The following ARHGEF7 variants were observed in gnomAD, a reference collection of about 807,000 sequenced individuals.
The protein encoded by ARHGEF7 is Rho guanine nucleotide exchange factor 7.
In ARHGEF7, 33 loss-of-function variants were observed where a neutral mutation model predicts 109.8. That is an observed-to-expected ratio of 0.30 (90% CI 0.23 to 0.40). The LOEUF (loss-of-function observed/expected upper bound fraction) is 0.40, where lower values mean the gene tolerates loss of function less well. Among genes scored for constraint, ARHGEF7 ranks in the 10% least tolerant of loss-of-function variants. The probability of loss-of-function intolerance (pLI) is 1.00; values close to 1 mark genes in which losing one functional copy is unlikely to be tolerated. For missense variants in ARHGEF7, 938 were observed against 1,098.5 expected (o/e 0.85, Z 2.07); for synonymous variants, 458 against 424.6 (o/e 1.08, Z -0.97).
At position 111,295,612 on chromosome 13, in the gene ARHGEF7, G is replaced by A. The variant is rs375974329; in HGVS notation, c.2311+3318G>A. Among the ~76,000 whole-genome samples, 9 of 152,310 alleles carry A rather than the reference G, an allele frequency of 5.9e-5. No homozygotes were observed. The East Asian group carries it at 1.5e-3, about 26-fold the overall frequency. On this transcript the variant is annotated intron_variant, in intron 19 of 21. Coordinates refer to ENST00000646102, the MANE Select transcript of ARHGEF7 (RefSeq NM_001354046.2). Reference sequence around the variant, plus strand: ...GAAGCAAAATAAAGGGAAAGGAAACGAAGTACCTGGTGGCAGGTATAGTGA... The same window carrying A: ...GAAGCAAAATAAAGGGAAAGGAAACAAAGTACCTGGTGGCAGGTATAGTGA...
chr13:111,143,357 G>A (rs76031826), intron 1 of ARHGEF7, among the ~76,000 whole-genome samples: 8,158 of 152,216 alleles, frequency 0.054, 310 homozygotes, highest in Non-Finnish European at 0.079. Context: ...GCACATTTCC[G>A]TCAGAGGCCA....
At chr13:111,197,990 G>A (rs1327985415) in intron 2 of ARHGEF7, among the ~76,000 whole-genome samples, 2 of 152,068 alleles carry the variant, frequency 1.3e-5, no homozygotes, top group Admixed American at 6.5e-5. Context: ...TGAGAGTTCC[G>A]CTCATGGCCA....
intron 1 of ARHGEF7, among the ~76,000 whole-genome samples, chr13:111,130,639 C>T (rs1265344622): frequency 6.6e-6 from 1 of 152,314 alleles, no homozygotes; most frequent in African/African-American, 2.4e-5. Flanking sequence ...GAAATAGACT[C>T]GCATACTATT....
chr13:111,276,393 G>A (rs938618999), intron 12 of ARHGEF7, among the ~76,000 whole-genome samples: 1 of 152,170 alleles, frequency 6.6e-6, no homozygotes, highest in Non-Finnish European at 1.5e-5. Context: ...CTTTCCACCT[G>A]TAAAATATCA....
intron 2 of ARHGEF7, among the ~76,000 whole-genome samples, chr13:111,198,148 C>T (rs148932772): frequency 6.3e-4 from 96 of 151,884 alleles, no homozygotes; most frequent in Admixed American, 1.0e-3. Flanking sequence ...GGGTTGTTAG[C>T]CCTTTCCCAG....
chr13:111,266,970 T>A lies in ARHGEF7; in HGVS notation c.951-578T>A, dbSNP rs542221327. ...GATGCCCACAGCTTGTGCCGACTTG[T>A]CACCCCTCATGCAGCTTCCAGTGCT... On this transcript the variant is annotated intron_variant, in intron 8 of 21. Coordinates refer to ENST00000646102, the MANE Select transcript of ARHGEF7 (RefSeq NM_001354046.2). The surrounding 1 kb of genome is among the most constrained non-coding windows in gnomAD (Gnocchi z 4.8). 8.8e-6 allele frequency: 4 copies of A among 452,460 alleles called. No homozygotes were observed. Among genetic ancestry groups the A allele is most frequent in the South Asian group, 6.2e-5 (4 of 64,482 alleles). The allele number at this position is 452,460 out of a possible 1,614,324, so 28.0% of individuals were successfully genotyped here. A position where few individuals can be genotyped will look rare whatever the true frequency, so the allele number is the denominator to read the frequency against.
intron 9 of ARHGEF7, among the ~76,000 whole-genome samples, chr13:111,269,637 C>A (rs2091971279): frequency 6.6e-6 from 1 of 152,108 alleles, no homozygotes; most frequent in Non-Finnish European, 1.5e-5. Context: ...GGACAGCAGC[C>A]CCGGGGCAAG....
chr13:111,149,253 A>C (rs960744796), intron 1 of ARHGEF7, among the ~76,000 whole-genome samples: 1 of 152,112 alleles, frequency 6.6e-6, no homozygotes, highest in South Asian at 2.1e-4. Context: ...TCTGAAAAAA[A>C]AAAAGAAAAG....
intron 6 of ARHGEF7, among the ~76,000 whole-genome samples, chr13:111,240,810 TATG>T (rs775398984): frequency 6.6e-6 from 1 of 152,216 alleles, no homozygotes; most frequent in Non-Finnish European, 1.5e-5. Flanking sequence ...AATACAGTTG[TATG>T]ATGATAAAAA....
At position 111,303,056 on chromosome 13, in the gene ARHGEF7, G is replaced by A; in HGVS notation, c.2532G>A (p.Leu844=). Residue 844 remains leucine (L), a synonymous_variant, in exon 22 of 22, where the codon CTG becomes CTA. Transcript: ENST00000646102. ...EQRARKDLEK[L]VRKVLKNMND... ...GAGCCCGCAAAGACCTGGAGAAGCT[G>A]GTGAGGAAAGTCCTGAAGAACATGA... The A allele has an allele frequency of 6.2e-7, 1 of 1,614,094 alleles. No homozygotes were observed. The highest frequency in any genetic ancestry group is 8.5e-7 in the Non-Finnish European group (1 of 1,179,964).
intron 1 of ARHGEF7, 150 bp from the exon 2 acceptor site, chr13:111,153,755 C>T: frequency 7.4e-7 from 1 of 1,348,832 alleles, no homozygotes; most frequent in East Asian, 3.2e-5. Flanking sequence ...GGGTTGGCAT[C>T]TGGGGCAGCG....
At chr13:111,222,201 A>G (rs926702415) in intron 5 of ARHGEF7, among the ~76,000 whole-genome samples, 29 of 152,218 alleles carry the variant, frequency 1.9e-4, no homozygotes, top group Admixed American at 1.1e-3. Context: ...AACCATCACA[A>G]TAGGGTTTGT....
At chr13:111,215,969 G>GA (rs2083082073) in intron 4 of ARHGEF7, among the ~76,000 whole-genome samples, 1 of 152,136 alleles carries the variant, frequency 6.6e-6, no homozygotes, top group Non-Finnish European at 1.5e-5. Flanking sequence ...TGGTGCGTGG[G>GA]AGGTAAATTT....
In ARHGEF7 at chr13:111,209,825, T is replaced by A. The variant is rs1050308327; in HGVS notation, c.338-47T>A. The A allele has an allele frequency of 3.1e-6, 5 of 1,600,292 alleles. No individual in the cohort carries two copies. In the African/African-American group the frequency reaches 6.7e-5, roughly 21 times the overall value. On this transcript the variant is annotated intron_variant, in intron 3 of 21. Coordinates refer to ENST00000646102, the MANE Select transcript of ARHGEF7 (RefSeq NM_001354046.2). ...TCTAGTGTGTAGTGTGGGTGCGTGGTATCAGGCGCTCTCAGCTCTCTTTTT... is the reference window on the plus strand; with the variant it reads ...TCTAGTGTGTAGTGTGGGTGCGTGGAATCAGGCGCTCTCAGCTCTCTTTTT...
intron 2 of ARHGEF7, among the ~76,000 whole-genome samples, chr13:111,155,865 C>T (rs191198952): frequency 2.0e-5 from 3 of 152,192 alleles, no homozygotes; most frequent in East Asian, 3.9e-4. Flanking sequence ...CACATGAGGT[C>T]GGGAGTTCGA....
chr13:111,243,761 A>C (rs1460260931), intron 6 of ARHGEF7, 111 bp from the exon 7 acceptor site: 4 of 667,760 alleles, frequency 6.0e-6, no homozygotes, highest in Non-Finnish European at 7.8e-6. Context: ...AGTATTACAT[A>C]GAAGTAACAG....
At chr13:111,177,420 C>T (rs913650408) in intron 2 of ARHGEF7, among the ~76,000 whole-genome samples, 3 of 152,156 alleles carry the variant, frequency 2.0e-5, no homozygotes, top group Admixed American at 1.3e-4. Flanking sequence ...TGAGCTCAGG[C>T]GGGGTGTGAG....
chr13:111,198,987 TA>T (rs1429750213), intron 2 of ARHGEF7, among the ~76,000 whole-genome samples: 1 of 152,240 alleles, frequency 6.6e-6, no homozygotes, highest in African/African-American at 2.4e-5. Flanking sequence ...AGAGTGCTGA[TA>T]GGTGCGTTTA....
At chr13:111,221,684 A>AATAAACC (rs572725712) in intron 5 of ARHGEF7, among the ~76,000 whole-genome samples, 1 of 130,352 alleles carries the variant, frequency 7.7e-6, no homozygotes, top group Non-Finnish European at 1.6e-5. Flanking sequence ...AACTCCCCTT[A>AATAAACC]ATAAACCCCT....
Sources: allele counts gnomAD v4.1 joint callset (sites outside exome capture counted in the v4.1 genomes callset), GRCh38; gene constraint gnomAD v4.1.1; non-coding constraint Gnocchi (gnomAD v3.1); transcripts MANE v1.5; gene names NCBI Gene and HGNC (gene_info 2026-07-23, HGNC 2026-07-21).